The following CAMK2D variants were observed in gnomAD, a reference collection of about 807,000 sequenced individuals.
The protein encoded by CAMK2D is calcium/calmodulin-dependent protein kinase type II subunit delta.
A neutral mutation model predicts 84.0 loss-of-function variants in CAMK2D; 37 were observed. The ratio of observed to expected loss-of-function variants is 0.44; its 90% CI spans 0.34 to 0.58. The LOEUF (loss-of-function observed/expected upper bound fraction) is 0.58. CAMK2D is among the 20% of genes least tolerant of loss of function. CAMK2D has a pLI of 0.02. For missense variants in CAMK2D, 448 were observed against 652.5 expected (o/e 0.69, Z 3.41); for synonymous variants, 202 against 212.5 (o/e 0.95, Z 0.43).
rs762375183 is a variant in CAMK2D, at chr4:113,455,707, G to A, written c.*29+19C>T. ...TTCAGCTCCAGTCACAAAGTATCAC[G>A]GAGCAGGATGTTACTTACAAGACCC... is the stretch of plus-strand genomic sequence containing the variant. On this transcript the variant is annotated intron_variant, in intron 20 of 20. Coordinates refer to ENST00000511664, the MANE Select transcript of CAMK2D (RefSeq NM_001321571.2). 27 of 1,390,606 alleles carry A rather than the reference G, an allele frequency of 1.9e-5. No homozygotes were observed. The highest frequency in any genetic ancestry group is 2.4e-5 in the South Asian group (2 of 83,724). The allele number at this position is 1,390,606 out of a possible 1,614,324, so 86.1% of individuals were successfully genotyped here. A position where few individuals can be genotyped will look rare whatever the true frequency, so the allele number is the denominator to read the frequency against.
At chr4:113,676,534 C>A (rs542224713) in intron 2 of CAMK2D, among the ~76,000 whole-genome samples, 2 of 152,306 alleles carry the variant, frequency 1.3e-5, no homozygotes, top group African/African-American at 4.8e-5. Context: ...GTCATGCTGG[C>A]CTTCTTTGAG....
At chr4:113,616,297 C>A (rs1448075674) in intron 3 of CAMK2D, among the ~76,000 whole-genome samples, 1 of 152,012 alleles carries the variant, frequency 6.6e-6, no homozygotes, top group Non-Finnish European at 1.5e-5. Flanking sequence ...TTACTGGATC[C>A]CAAGATAAGT....
At chr4:113,511,799 T>G (rs2098218119) in intron 12 of CAMK2D, among the ~76,000 whole-genome samples, 1 of 152,204 alleles carries the variant, frequency 6.6e-6, no homozygotes, top group Non-Finnish European at 1.5e-5. Context: ...GTCCCTCAAT[T>G]CGTAGCATTA....
intron 3 of CAMK2D, among the ~76,000 whole-genome samples, chr4:113,611,610 C>G (rs1034567070): frequency 6.6e-6 from 1 of 152,140 alleles, no homozygotes; most frequent in Non-Finnish European, 1.5e-5. Context: ...GGAGAAGTAG[C>G]AATAATTTCT....
intron 2 of CAMK2D, among the ~76,000 whole-genome samples, chr4:113,747,900 A>G (rs183989267): frequency 4.6e-5 from 7 of 152,294 alleles, no homozygotes; most frequent in Admixed American, 4.6e-4. Flanking sequence ...ATGAAACTCT[A>G]TACCTGATAA....
At chr4:113,552,119 CACTTTT>C in intron 4 of CAMK2D, 23 bp from the exon 5 acceptor site, 1 of 1,427,450 alleles carries the variant, frequency 7.0e-7, no homozygotes, top group Middle Eastern at 1.8e-4. Context: ...AAAACATAAT[CACTTTT>C]AAAAAGAAGC....
intron 8 of CAMK2D, among the ~76,000 whole-genome samples, chr4:113,520,782 C>G (rs1396546658): frequency 2.0e-5 from 3 of 152,098 alleles, no homozygotes; most frequent in Non-Finnish European, 4.4e-5. Flanking sequence ...AATCCCAGCA[C>G]TTTGGGAGGC....
At chr4:113,475,145 T>C (rs2097591843) in intron 16 of CAMK2D, among the ~76,000 whole-genome samples, 1 of 152,246 alleles carries the variant, frequency 6.6e-6, no homozygotes, top group African/African-American at 2.4e-5. Context: ...TTATGAAAAG[T>C]ATACTATTTG....
Position 113,455,744 on chromosome 4 carries a change from G to T in CAMK2D, c.*11C>A, listed in dbSNP as rs1313960662. 6.2e-7 allele frequency: 1 copy of T among 1,607,544 alleles called. No homozygotes were observed. Among genetic ancestry groups the T allele is most frequent in the South Asian group, 1.1e-5 (1 of 90,902 alleles). ...TACTTACAAGACCCATATGTGAATGGTTTTCAGGCCTTAGATGTTTTGCCA... is the reference window on the plus strand; with the variant it reads ...TACTTACAAGACCCATATGTGAATGTTTTTCAGGCCTTAGATGTTTTGCCA... On this transcript the variant is annotated 3_prime_UTR_variant, in exon 20 of 21. Coordinates refer to ENST00000511664, the MANE Select transcript of CAMK2D (RefSeq NM_001321571.2).
chr4:113,474,978 C>T (rs2097589275), intron 16 of CAMK2D, among the ~76,000 whole-genome samples: 1 of 152,114 alleles, frequency 6.6e-6, no homozygotes, highest in Non-Finnish European at 1.5e-5. Context: ...AATATTCTGT[C>T]CTCCCTTCAG....
At chr4:113,600,035 C>T (rs1209589154) in intron 4 of CAMK2D, among the ~76,000 whole-genome samples, 1 of 152,090 alleles carries the variant, frequency 6.6e-6, no homozygotes, top group African/African-American at 2.4e-5. Context: ...AGAAATCAAT[C>T]TAAAAGGTTA....
intron 6 of CAMK2D, among the ~76,000 whole-genome samples, chr4:113,546,865 C>T (rs1191735328): frequency 2.6e-5 from 4 of 152,096 alleles, no homozygotes; most frequent in Non-Finnish European, 5.9e-5. Context: ...TGAAAAAGTA[C>T]TCCCCTTGTG....
At chr4:113,517,428 T>C in intron 9 of CAMK2D, 135 bp downstream of exon 9, 2 of 450,010 alleles carry the variant, frequency 4.4e-6, no homozygotes, top group Non-Finnish European at 8.1e-6. Context: ...CTTTCTCCCT[T>C]TCCTTAAGAG....
chr4:113,689,525 T>C (rs2099376892), intron 2 of CAMK2D, among the ~76,000 whole-genome samples: 2 of 152,334 alleles, frequency 1.3e-5, no homozygotes, highest in South Asian at 4.1e-4. Context: ...CTTTCCCTTT[T>C]GTTCATGATA....
chr4:113,760,088 TAA>T (rs2099637299), intron 1 of CAMK2D, among the ~76,000 whole-genome samples: 1 of 152,212 alleles, frequency 6.6e-6, no homozygotes, highest in African/African-American at 2.4e-5. Context: ...ACTCCTTTCA[TAA>T]AAGTAACAGT....
chr4:113,605,780 G>A (rs2098974502), intron 4 of CAMK2D, among the ~76,000 whole-genome samples: 1 of 152,122 alleles, frequency 6.6e-6, no homozygotes, highest in Non-Finnish European at 1.5e-5. Context: ...GCTGTGGGGG[G>A]AACCTGGACT....
At chr4:113,561,288 AC>A (rs2098697377) in intron 4 of CAMK2D, among the ~76,000 whole-genome samples, 1 of 152,172 alleles carries the variant, frequency 6.6e-6, no homozygotes. Context: ...AGTCTGGGCA[AC>A]ATAGTGAGAC....
rs574183444 is a variant in CAMK2D, at chr4:113,719,068, CAT to C, written c.160+40250_160+40251del. Among the ~76,000 whole-genome samples the C allele has an allele frequency of 2.8e-4, 42 of 152,218 alleles. No homozygotes were observed. In the East Asian group the frequency reaches 5.8e-3, roughly 21 times the overall value. ...GATAACAAAGTAAATTCAAGATAAACATAAACTGTTAATGAATAATTTATGTG... is the reference window on the plus strand; with the variant it reads ...GATAACAAAGTAAATTCAAGATAAACAAACTGTTAATGAATAATTTATGTG... On this transcript the variant is annotated intron_variant, in intron 2 of 20. Coordinates refer to ENST00000511664, the MANE Select transcript of CAMK2D (RefSeq NM_001321571.2).
chr4:113,758,579 A>G (rs1173470352), intron 2 of CAMK2D, among the ~76,000 whole-genome samples: 1 of 152,194 alleles, frequency 6.6e-6, no homozygotes, highest in Non-Finnish European at 1.5e-5. Context: ...ACGTGCCCAC[A>G]ATAATTGGAA....
Sources: allele counts gnomAD v4.1 joint callset (sites outside exome capture counted in the v4.1 genomes callset), GRCh38; gene constraint gnomAD v4.1.1; transcripts MANE v1.5; gene names NCBI Gene and HGNC (gene_info 2026-07-23, HGNC 2026-07-21).